ZNF496: variants seen among roughly 807,000 people sequenced by gnomAD.
ZNF496 encodes zinc finger protein 496, also known as NSD1 (nuclear receptor binding SET-domain containing 1)-interacting zinc finger protein 1.
ZNF496 carries 11 observed loss-of-function variants against 58.9 expected under a neutral mutation model. The ratio of observed to expected loss-of-function variants is 0.19; its 90% confidence interval spans 0.12 to 0.31. The LOEUF is 0.31. ZNF496 is among the 10% of genes least tolerant of loss of function. The probability of loss-of-function intolerance (pLI) is 1.00; values close to 1 mark genes in which losing one functional copy is unlikely to be tolerated. For missense variants in ZNF496, 660 were observed against 783.0 expected (o/e 0.84, Z 1.88); for synonymous variants, 338 against 318.2 (o/e 1.06, Z -0.66).
chr1:247,325,707 C>T (rs1323181916), intron 5 of ZNF496, among the ~76,000 whole-genome samples: 2 of 152,074 alleles, frequency 1.3e-5, no homozygotes, highest in Non-Finnish European at 2.9e-5. Flanking sequence ...GTTGCCCAGG[C>T]TGGTCTCAAA....
In ZNF496 at chr1:247,310,406, A is replaced by G. The variant is rs1372329161; in HGVS notation, c.702T>C (p.Asp234=). ...KDMILCFSEE[D]WSLLDPAQTG... ...TCTGGGCAGGATCTAGAAGGGACCAATCCTCTTCAGAGAAGCATAAAATCA... is the reference window on the plus strand; with the variant it reads ...TCTGGGCAGGATCTAGAAGGGACCAGTCCTCTTCAGAGAAGCATAAAATCA... Residue 234 remains aspartate (D), a synonymous_variant, in exon 7 of 10, where the codon GAT becomes GAC. Coordinates refer to ENST00000682384, the MANE Select transcript of ZNF496 (RefSeq NM_032752.3). 1.2e-6 allele frequency: 2 copies of G among 1,614,182 alleles called. No homozygotes were observed. The highest frequency in any genetic ancestry group is 8.5e-7 in the Non-Finnish European group (1 of 1,180,026).
intron 6 of ZNF496, among the ~76,000 whole-genome samples, chr1:247,316,189 G>A (rs1312861351): frequency 1.4e-5 from 1 of 72,634 alleles, no homozygotes; most frequent in East Asian, 3.7e-4. Context: ...TTCCTGGGAG[G>A]GGTGTGTGTG....
Position 247,309,901 on chromosome 1 carries a change from A to G in ZNF496, c.785-95T>C. Reference sequence around the variant, plus strand: ...GAAGAGAGAAGGCGGAGGGATGCCCAGCGGGCATGGCACCATCAGGGGCGA... The same window carrying G: ...GAAGAGAGAAGGCGGAGGGATGCCCGGCGGGCATGGCACCATCAGGGGCGA... On this transcript the variant is annotated intron_variant, in intron 7 of 9. Coordinates refer to ENST00000682384, the MANE Select transcript of ZNF496 (RefSeq NM_032752.3). This position sits in a 1 kb window ranked among gnomAD's most constrained non-coding sequence, Gnocchi z 4.3. 2 of 1,449,726 alleles carry G rather than the reference A, an allele frequency of 1.4e-6. No homozygotes were observed. Among genetic ancestry groups the G allele is most frequent in the Non-Finnish European group, 1.9e-6 (2 of 1,063,676 alleles). 89.8% of individuals were successfully genotyped at this position (1,449,726 alleles called of 1,614,324 possible).
At chr1:247,310,575 A>G (rs1659568450) in intron 6 of ZNF496, 119 bp from the exon 7 acceptor site, 3 of 1,358,018 alleles carry the variant, frequency 2.2e-6, no homozygotes, top group South Asian at 2.7e-5. Flanking sequence ...TACAACAGAA[A>G]TCTGTTCCTC....
In ZNF496 at chr1:247,297,801, G is replaced by A. The variant is rs975847436; in HGVS notation, c.*2718C>T. The A allele has an allele frequency of 2.6e-5, 4 of 152,364 alleles. No individual in the cohort carries two copies. The East Asian group carries it at 7.7e-4, about 29-fold the overall frequency. The allele number at this position is 152,364 out of a possible 1,614,324, so 9.4% of individuals were successfully genotyped here. A position where few individuals can be genotyped will look rare whatever the true frequency, so the allele number is the denominator to read the frequency against. The stretch of plus-strand genomic sequence containing the variant: ...GAGGATTTCCAAATCCAGAGGCAAT[G>A]TGGCCTTCCATTTCCTGAGGTGCCT... On this transcript the variant is annotated 3_prime_UTR_variant, in exon 10 of 10. Transcript: ENST00000682384.
chr1:247,301,260 T>A lies in ZNF496; in HGVS notation c.1023A>T (p.Arg341=), dbSNP rs759828183. ...CTTCATCCAGGCTGTTCTCTAGAGA[T>A]CGCGGGTTGCCGCCAGCTACAGGAA... ...QNTYPAGGNP[R]SLENSLDEEV... The change falls in exon 10 of 10, where the codon CGA becomes CGT. Residue 341 remains arginine (R), a synonymous_variant. Transcript: ENST00000682384. 2.0e-6 allele frequency: 3 copies of A among 1,513,410 alleles called. No individual in the cohort carries two copies. In the South Asian group the frequency reaches 4.0e-5, roughly 20 times the overall value. 93.7% of individuals were successfully genotyped at this position (1,513,410 alleles called of 1,614,324 possible).
chr1:247,317,973 T>G (rs1165692993), intron 6 of ZNF496, among the ~76,000 whole-genome samples: 2 of 151,684 alleles, frequency 1.3e-5, no homozygotes, highest in African/African-American at 4.9e-5. Context: ...ATAAGCACAC[T>G]CCAAACAAAC....
At position 247,309,814 on chromosome 1, in the gene ZNF496, A is replaced by G; in HGVS notation, c.785-8T>C. 1 of 1,614,050 alleles carries G rather than the reference A, an allele frequency of 6.2e-7. No homozygotes were observed. The highest frequency in any genetic ancestry group is 8.5e-7 in the Non-Finnish European group (1 of 1,179,968). ...GCTGGGCAGCTAGGTCGTCTGTTCA[A>G]AGAAAAAGGCAGGGTACATGTTTAT... On this transcript the variant is annotated splice_region_variant and splice_polypyrimidine_tract_variant and intron_variant, in intron 7 of 9. Coordinates refer to ENST00000682384, the MANE Select transcript of ZNF496 (RefSeq NM_032752.3). This position sits in a 1 kb window ranked among gnomAD's most constrained non-coding sequence, Gnocchi z 4.3.
chr1:247,316,427 G>A (rs918347046), intron 6 of ZNF496, among the ~76,000 whole-genome samples: 17 of 151,994 alleles, frequency 1.1e-4, no homozygotes, highest in Non-Finnish European at 1.8e-4. Context: ...TGGCCTTTAC[G>A]AGGTGATGAA....
rs1257403588 is a variant in ZNF496, at chr1:247,328,666, T to G, written c.574+17A>C. ...CTTCCCCAGATCACCCCTGCTACAC[T>G]CCCCTGGGCTGCATACCTGGGTCCC... On this transcript the variant is annotated intron_variant, in intron 5 of 9. Transcript: ENST00000682384. 2 of 1,540,078 alleles carry G rather than the reference T, an allele frequency of 1.3e-6. No homozygotes were observed. The highest frequency in any genetic ancestry group is 2.8e-5 in the African/African-American group (2 of 72,482).
intron 9 of ZNF496, among the ~76,000 whole-genome samples, chr1:247,302,684 T>C (rs1659285776): frequency 6.6e-6 from 1 of 152,094 alleles, no homozygotes; most frequent in South Asian, 2.1e-4. Flanking sequence ...GTTTTCGAGC[T>C]GCAGGAACCT....
chr1:247,307,615 A>T (rs1285663670), intron 9 of ZNF496: 3 of 985,282 alleles, frequency 3.0e-6, no homozygotes, highest in Non-Finnish European at 3.6e-6. Flanking sequence ...ATCCTTTCAG[A>T]TCTCCCACAC....
At chr1:247,315,559 C>T (rs144951385) in intron 6 of ZNF496, among the ~76,000 whole-genome samples, 21 of 152,054 alleles carry the variant, frequency 1.4e-4, no homozygotes, top group African/African-American at 5.1e-4. Flanking sequence ...TTAGGAAATA[C>T]GCTCCTTTGG....
chr1:247,303,908 A>C (rs1329258549), intron 9 of ZNF496: 1 of 178,804 alleles, frequency 5.6e-6, no homozygotes, highest in East Asian at 1.8e-4. Context: ...GGATCCAATC[A>C]ACCATCTCAA....
intron 9 of ZNF496, among the ~76,000 whole-genome samples, chr1:247,306,198 CTT>C (rs527869314): frequency 7.7e-5 from 11 of 142,014 alleles, no homozygotes; most frequent in Admixed American, 7.1e-5. Context: ...GAGTTCAAAT[CTT>C]TTTTTTTTTT....
rs1659120596 is a variant in ZNF496 at position 247,297,448 on chromosome 1, G to A, written c.*3071C>T. On this transcript the variant is annotated 3_prime_UTR_variant, in exon 10 of 10. Coordinates refer to ENST00000682384, the MANE Select transcript of ZNF496 (RefSeq NM_032752.3). ...GCAAGTTTTTATTATGCACCTGTGG[G>A]TTTGTGACGATGCCAAGGGATCAGA... The A allele has an allele frequency of 6.6e-6, 1 of 152,202 alleles. No individual in the cohort carries two copies. Among genetic ancestry groups the A allele is most frequent in the African/African-American group, 2.4e-5 (1 of 41,438 alleles). The allele number at this position is 152,202 out of a possible 1,614,324, so 9.4% of individuals were successfully genotyped here.
chr1:247,301,695 G>C (rs994265554), intron 9 of ZNF496, among the ~76,000 whole-genome samples: 4 of 152,290 alleles, frequency 2.6e-5, no homozygotes, highest in East Asian at 1.9e-4. Flanking sequence ...ACTTGAGAGA[G>C]GAAGACTCTA....
At position 247,328,758 on chromosome 1, in the gene ZNF496, C is replaced by T. The variant is rs2103034423; in HGVS notation, c.499G>A (p.Asp167Asn). ...EPHSDLAKNQ[D>N]AQPITLAQCL... is the part of the protein sequence containing the mutation. ...TGTGCCAGGGTTATGGGCTGGGCAT[C>T]CTGGTTCTTTGCAAGGTCGCTGTGG... The change falls in exon 5 of 10, where the codon GAT becomes AAT. Residue 167 changes from aspartate to asparagine, a missense_variant. Physicochemically the swap from Asp to Asn is conservative, Grantham distance 23. Transcript: ENST00000682384. 6.2e-7 allele frequency: 1 copy of T among 1,613,804 alleles called. No homozygotes were observed. Among genetic ancestry groups the T allele is most frequent in the Non-Finnish European group, 8.5e-7 (1 of 1,179,886 alleles).
At chr1:247,325,475 C>T (rs1412807837) in intron 5 of ZNF496, among the ~76,000 whole-genome samples, 1 of 152,128 alleles carries the variant, frequency 6.6e-6, no homozygotes, top group Non-Finnish European at 1.5e-5. Flanking sequence ...TTAAATTAAG[C>T]TAATTAACAA....
Sources: gnomAD v4.1 joint callset for allele counts (sites outside exome capture counted in the v4.1 genomes callset) on GRCh38, gnomAD v4.1.1 for gene constraint, Gnocchi (gnomAD v3.1) non-coding constraint, MANE v1.5 for transcripts, NCBI Gene and HGNC (gene_info 2026-07-23, HGNC 2026-07-21) for gene names.